FBXL7: variants seen among roughly 807,000 people sequenced by gnomAD.
The protein encoded by FBXL7 is F-box/LRR-repeat protein 7.
In FBXL7, 12 loss-of-function variants were observed where a neutral mutation model predicts 38.3. That is an observed-to-expected ratio of 0.31 (90% CI 0.20 to 0.51). FBXL7 has a LOEUF of 0.51. Ranked by LOEUF, FBXL7 falls within the 20% of genes least tolerant of loss-of-function variation. The pLI is 0.98. For synonymous variants in FBXL7, 297 were observed against 300.9 expected (o/e 0.99, Z 0.13); for missense variants, 567 against 676.4 (o/e 0.84, Z 1.79).
chr5:15,626,802 C>T (rs867483204), intron 2 of FBXL7, among the ~76,000 whole-genome samples: 3 of 152,152 alleles, frequency 2.0e-5, no homozygotes, highest in South Asian at 4.1e-4. Flanking sequence ...TATGGTTCAT[C>T]TAAGTACATC....
intron 2 of FBXL7, among the ~76,000 whole-genome samples, chr5:15,829,020 C>T (rs780588272): frequency 6.6e-6 from 1 of 152,146 alleles, no homozygotes; most frequent in African/African-American, 2.4e-5. Flanking sequence ...GTGTTAGTAA[C>T]GCACCCTTAA....
intron 1 of FBXL7, among the ~76,000 whole-genome samples, chr5:15,586,770 G>A (rs901764807): frequency 2.0e-5 from 3 of 152,206 alleles, no homozygotes; most frequent in East Asian, 3.9e-4. Context: ...GTTCATGACT[G>A]TAAATCATCC....
At chr5:15,631,085 G>A (rs1740981222) in intron 2 of FBXL7, among the ~76,000 whole-genome samples, 1 of 151,988 alleles carries the variant, frequency 6.6e-6, no homozygotes, top group Admixed American at 6.6e-5. Flanking sequence ...CATTCCCATG[G>A]CAAAGTCTTC....
chr5:15,896,477 G>T (rs1046261002), intron 2 of FBXL7, among the ~76,000 whole-genome samples: 4 of 152,208 alleles, frequency 2.6e-5, no homozygotes, highest in Admixed American at 6.5e-5. Flanking sequence ...ATCTCACCGG[G>T]TGTGAAGATA....
chr5:15,806,441 A>G (rs1737714281), intron 2 of FBXL7, among the ~76,000 whole-genome samples: 1 of 152,206 alleles, frequency 6.6e-6, no homozygotes, highest in African/African-American at 2.4e-5. Flanking sequence ...AAATAGTATC[A>G]ATAACCTCAA....
At chr5:15,767,703 A>G (rs1011052870) in intron 2 of FBXL7, among the ~76,000 whole-genome samples, 12 of 152,136 alleles carry the variant, frequency 7.9e-5, no homozygotes, top group African/African-American at 2.9e-4. Context: ...ATTTGCTATT[A>G]TTTTTGACAA....
At chr5:15,847,314 A>G (rs1484753252) in intron 2 of FBXL7, among the ~76,000 whole-genome samples, 1 of 152,228 alleles carries the variant, frequency 6.6e-6, no homozygotes, top group Non-Finnish European at 1.5e-5. Flanking sequence ...CAGCAGCAAG[A>G]AATGCTGAGC....
At chr5:15,881,078 G>A (rs1047155510) in intron 2 of FBXL7, among the ~76,000 whole-genome samples, 1 of 152,062 alleles carries the variant, frequency 6.6e-6, no homozygotes. Context: ...AACAGGTGGT[G>A]ATGGGTTACA....
At chr5:15,755,810 T>G (rs1171587781) in intron 2 of FBXL7, among the ~76,000 whole-genome samples, 1 of 152,190 alleles carries the variant, frequency 6.6e-6, no homozygotes, top group Non-Finnish European at 1.5e-5. Flanking sequence ...CCAATCAGAA[T>G]GCTGTAAAAT....
chr5:15,667,029 G>A (rs1034926838), intron 2 of FBXL7, among the ~76,000 whole-genome samples: 2 of 152,122 alleles, frequency 1.3e-5, no homozygotes, highest in Admixed American at 6.5e-5. Context: ...GGTGAAAATT[G>A]GAGACTTCCT....
intron 2 of FBXL7, among the ~76,000 whole-genome samples, chr5:15,919,098 T>A (rs1201936361): frequency 6.6e-6 from 1 of 152,238 alleles, no homozygotes; most frequent in Non-Finnish European, 1.5e-5. Flanking sequence ...AAAGAAATCT[T>A]GCTTTTTATG....
At chr5:15,664,693 ATC>A (rs1274544820) in intron 2 of FBXL7, among the ~76,000 whole-genome samples, 1 of 151,536 alleles carries the variant, frequency 6.6e-6, no homozygotes, top group African/African-American at 2.4e-5. Context: ...GATTGTCTCG[ATC>A]TCTTGACCTC....
intron 2 of FBXL7, among the ~76,000 whole-genome samples, chr5:15,797,260 A>T (rs1439585909): frequency 1.3e-5 from 2 of 152,230 alleles, no homozygotes; most frequent in African/African-American, 4.8e-5. Flanking sequence ...AACATGCTTA[A>T]CTATGAAAGT....
At chr5:15,754,765 G>T (rs1736247542) in intron 2 of FBXL7, among the ~76,000 whole-genome samples, 1 of 152,190 alleles carries the variant, frequency 6.6e-6, no homozygotes, top group African/African-American at 2.4e-5. Context: ...AAGAACAGTG[G>T]TGGCATTTTT....
chr5:15,916,986 A>G (rs752422672), intron 2 of FBXL7, among the ~76,000 whole-genome samples: 3 of 152,196 alleles, frequency 2.0e-5, no homozygotes, highest in African/African-American at 4.8e-5. Context: ...ATCACTTTTC[A>G]TAGACTCTGC....
chr5:15,711,895 A>G (rs1045133025), intron 2 of FBXL7, among the ~76,000 whole-genome samples: 2 of 152,220 alleles, frequency 1.3e-5, no homozygotes, highest in Non-Finnish European at 2.9e-5. Context: ...CATAAAACAG[A>G]TATATTAACA....
In FBXL7 at chr5:15,937,088, A is replaced by C. The variant is rs1742216626; in HGVS notation, c.1378A>C (p.Asn460His). Residue 460 changes from asparagine to histidine, a missense_variant, in exon 4 of 4, where the codon AAT becomes CAT. Coordinates refer to ENST00000504595, the MANE Select transcript of FBXL7 (RefSeq NM_012304.5). ...CAACTGCTTTGACCTCCAGACGCTG[A>C]ATGTCCAGGACTGCGAGGTCTCCGT... ...AANCFDLQTL[N>H]VQDCEVSVEA... The C allele has an allele frequency of 6.2e-7, 1 of 1,613,846 alleles. No individual in the cohort carries two copies. The highest frequency in any genetic ancestry group is 1.3e-5 in the African/African-American group (1 of 74,930).
intron 2 of FBXL7, among the ~76,000 whole-genome samples, chr5:15,654,687 C>T (rs1741818690): frequency 6.6e-6 from 1 of 152,036 alleles, no homozygotes; most frequent in African/African-American, 2.4e-5. Flanking sequence ...AAAACAGGCG[C>T]CTAGTTTGGC....
chr5:15,934,163 C>A (rs1742115972), intron 3 of FBXL7, among the ~76,000 whole-genome samples: 2 of 152,142 alleles, frequency 1.3e-5, no homozygotes, highest in African/African-American at 4.8e-5. Flanking sequence ...CACCACCATA[C>A]CTGGCTAATT....
Sources: gnomAD v4.1 joint callset for allele counts (sites outside exome capture counted in the v4.1 genomes callset) on GRCh38, gnomAD v4.1.1 for gene constraint, MANE v1.5 for transcripts, NCBI Gene and HGNC (gene_info 2026-07-23, HGNC 2026-07-21) for gene names.